The following CDKAL1 variants were observed in gnomAD, a reference collection of about 807,000 sequenced individuals.
CDKAL1 encodes threonylcarbamoyladenosine tRNA methylthiotransferase.
A neutral mutation model predicts 68.2 loss-of-function variants in CDKAL1; 32 were observed. That is an observed-to-expected ratio of 0.47 (90% CI 0.35 to 0.63). The LOEUF (loss-of-function observed/expected upper bound fraction) is 0.63, where lower values mean the gene tolerates loss of function less well. CDKAL1 is among the 30% of genes least tolerant of loss of function. CDKAL1 has a pLI of 0.00. For synonymous variants in CDKAL1, 234 were observed against 244.3 expected (o/e 0.96, Z 0.39); for missense variants, 606 against 696.7 (o/e 0.87, Z 1.47).
At chr6:20,679,843 G>A (rs954688413) in intron 5 of CDKAL1, among the ~76,000 whole-genome samples, 2 of 152,056 alleles carry the variant, frequency 1.3e-5, no homozygotes, top group Non-Finnish European at 2.9e-5. Context: ...GGGTTTATTA[G>A]GATGTGTCTT....
intron 5 of CDKAL1, among the ~76,000 whole-genome samples, chr6:20,691,144 T>C (rs1441097592): frequency 1.3e-5 from 2 of 152,212 alleles, no homozygotes; most frequent in East Asian, 3.9e-4. Flanking sequence ...GGAGATTATG[T>C]GGCTGCCATT....
At chr6:20,862,638 TG>T (rs1259640828) in intron 9 of CDKAL1, among the ~76,000 whole-genome samples, 9 of 24,272 alleles carry the variant, frequency 3.7e-4, no homozygotes, top group Non-Finnish European at 1.1e-3. Flanking sequence ...TTCCAACTTG[TG>T]TGTGTGTGTG....
At chr6:20,810,367 G>A (rs577744872) in intron 8 of CDKAL1, among the ~76,000 whole-genome samples, 1 of 136,296 alleles carries the variant, frequency 7.3e-6, no homozygotes, top group Non-Finnish European at 1.6e-5. Flanking sequence ...CATAGTGAGA[G>A]TCTCTCTCTC....
Position 20,825,392 on chromosome 6 carries a change from G to C in CDKAL1, c.639-20683G>C, listed in dbSNP as rs78465212. Among the ~76,000 whole-genome samples, 634 of 152,260 alleles carry C rather than the reference G, an allele frequency of 4.2e-3. 6 individuals carry two copies. Among genetic ancestry groups the C allele is most frequent in the African/African-American group, 0.013 (538 of 41,548 alleles). On this transcript the variant is annotated intron_variant, in intron 8 of 15. Coordinates refer to ENST00000274695, the MANE Select transcript of CDKAL1 (RefSeq NM_017774.3). The stretch of plus-strand genomic sequence containing the variant: ...CAGGGTTCTTAGGGGTTAGAAGTGA[G>C]AAGATAGGCAGATAAGCTATAAATC...
intron 9 of CDKAL1, among the ~76,000 whole-genome samples, chr6:20,915,215 A>G (rs1047518023): frequency 6.6e-6 from 1 of 152,074 alleles, no homozygotes; most frequent in African/African-American, 2.4e-5. Context: ...TTGAAAGCAG[A>G]TATCCCTGCC....
chr6:21,207,707 C>T (rs970883809), intron 15 of CDKAL1, among the ~76,000 whole-genome samples: 2 of 152,146 alleles, frequency 1.3e-5, no homozygotes, highest in East Asian at 1.9e-4. Flanking sequence ...GATAGTACTA[C>T]CTGCTTCATA....
At chr6:20,920,300 A>C (rs1463795423) in intron 9 of CDKAL1, among the ~76,000 whole-genome samples, 1 of 152,198 alleles carries the variant, frequency 6.6e-6, no homozygotes. Context: ...GTACGCCTAC[A>C]AGTAAGAAGT....
At chr6:20,922,858 C>T (rs1763019798) in intron 9 of CDKAL1, among the ~76,000 whole-genome samples, 1 of 152,150 alleles carries the variant, frequency 6.6e-6, no homozygotes, top group Admixed American at 6.5e-5. Flanking sequence ...ATTTAAACTG[C>T]ATCTGTATAT....
At chr6:21,183,346 A>T (rs1777871425) in intron 13 of CDKAL1, among the ~76,000 whole-genome samples, 1 of 152,184 alleles carries the variant, frequency 6.6e-6, no homozygotes, top group Non-Finnish European at 1.5e-5. Context: ...GAGGGCTGGC[A>T]GTACGCCCAC....
chr6:21,020,549 C>T (rs2150859679), intron 11 of CDKAL1, among the ~76,000 whole-genome samples: 1 of 152,186 alleles, frequency 6.6e-6, no homozygotes, highest in African/African-American at 2.4e-5. Flanking sequence ...CTCACCACAA[C>T]CTCTGCCTCC....
At chr6:20,889,661 A>G (rs1447487389) in intron 9 of CDKAL1, among the ~76,000 whole-genome samples, 1 of 152,094 alleles carries the variant, frequency 6.6e-6, no homozygotes, top group African/African-American at 2.4e-5. Context: ...CAAAGAACAG[A>G]TGGTTGTAGA....
intron 4 of CDKAL1, among the ~76,000 whole-genome samples, chr6:20,592,401 T>G (rs953179160): frequency 6.6e-5 from 10 of 152,132 alleles, no homozygotes; most frequent in Non-Finnish European, 1.2e-4. Flanking sequence ...TATGTTACTA[T>G]GTTGAATAGG....
intron 8 of CDKAL1, among the ~76,000 whole-genome samples, chr6:20,795,343 T>A (rs1776067097): frequency 6.6e-6 from 1 of 152,184 alleles, no homozygotes; most frequent in Non-Finnish European, 1.5e-5. Flanking sequence ...GTTCATGTTT[T>A]CTGAGAGAAT....
At chr6:21,055,301 AG>A (rs1398357114) in intron 11 of CDKAL1, among the ~76,000 whole-genome samples, 1 of 151,936 alleles carries the variant, frequency 6.6e-6, no homozygotes, top group African/African-American at 2.4e-5. Context: ...TGTTTATGAG[AG>A]ATATTGGTCT....
chr6:21,165,039 C>T (rs1022787391), intron 13 of CDKAL1, among the ~76,000 whole-genome samples: 2 of 152,200 alleles, frequency 1.3e-5, no homozygotes, highest in Non-Finnish European at 2.9e-5. Flanking sequence ...TTCTTTCCTC[C>T]TTCCCCAGGT....
At chr6:20,598,814 TC>T (rs1167151762) in intron 4 of CDKAL1, among the ~76,000 whole-genome samples, 2 of 152,144 alleles carry the variant, frequency 1.3e-5, no homozygotes, top group Non-Finnish European at 2.9e-5. Flanking sequence ...TTGCTTTTGT[TC>T]TATGGGGATT....
chr6:20,693,530 A>G (rs1361666677), intron 5 of CDKAL1, among the ~76,000 whole-genome samples: 1 of 152,210 alleles, frequency 6.6e-6, no homozygotes, highest in Non-Finnish European at 1.5e-5. Context: ...AAATGACAGA[A>G]TTCTATTTCC....
intron 10 of CDKAL1, among the ~76,000 whole-genome samples, chr6:20,957,138 A>T (rs944235450): frequency 6.6e-6 from 1 of 152,134 alleles, no homozygotes; most frequent in Non-Finnish European, 1.5e-5. Flanking sequence ...AGGAAGGGAA[A>T]CAGGCCCCAT....
intron 13 of CDKAL1, among the ~76,000 whole-genome samples, chr6:21,186,088 G>A (rs1352812071): frequency 6.6e-6 from 1 of 151,664 alleles, no homozygotes; most frequent in African/African-American, 2.4e-5. Context: ...GGCAGGGGGG[G>A]TCAGGAGAGA....
Sources: gnomAD v4.1 joint callset for allele counts (sites outside exome capture counted in the v4.1 genomes callset) on GRCh38, gnomAD v4.1.1 for gene constraint, MANE v1.5 for transcripts, NCBI Gene and HGNC (gene_info 2026-07-23, HGNC 2026-07-21) for gene names.